The following SRPK2 variants were observed in gnomAD, a reference collection of about 807,000 sequenced individuals.
The protein encoded by SRPK2 is SFRS protein kinase 2.
SRPK2 carries 21 observed loss-of-function variants against 90.8 expected under a neutral mutation model. The observed-to-expected ratio is 0.23, with a 90% CI of 0.16 to 0.33. The LOEUF (loss-of-function observed/expected upper bound fraction) is 0.33. Among genes scored for constraint, SRPK2 ranks in the 10% least tolerant of loss-of-function variants. SRPK2 has a pLI of 1.00. For synonymous variants in SRPK2, 288 were observed against 311.1 expected (o/e 0.93, Z 0.78); for missense variants, 620 against 869.0 (o/e 0.71, Z 3.60).
intron 2 of SRPK2, among the ~76,000 whole-genome samples, chr7:105,337,345 T>C (rs1445650260): frequency 1.3e-5 from 2 of 149,912 alleles, no homozygotes; most frequent in Non-Finnish European, 3.0e-5. Flanking sequence ...GATGGAGTCT[T>C]GCTCTGTTGC....
chr7:105,348,605 T>C (rs1816759974), intron 2 of SRPK2, among the ~76,000 whole-genome samples: 1 of 151,180 alleles, frequency 6.6e-6, no homozygotes, highest in South Asian at 2.1e-4. Context: ...TGTATTTTAG[T>C]AGAGATGAGA....
chr7:105,278,828 G>A (rs1806877618), intron 2 of SRPK2, among the ~76,000 whole-genome samples: 2 of 150,178 alleles, frequency 1.3e-5, no homozygotes, highest in East Asian at 4.3e-4. Context: ...GAAGAAAAAA[G>A]TAATTTGTAA....
chr7:105,188,420 A>G (rs1793864920), intron 3 of SRPK2, among the ~76,000 whole-genome samples: 1 of 152,218 alleles, frequency 6.6e-6, no homozygotes, highest in African/African-American at 2.4e-5. Context: ...GGTGAGTTGC[A>G]AAATTATGTG....
At chr7:105,160,278 C>T (rs1185187183) in intron 7 of SRPK2, 2 of 308,618 alleles carry the variant, frequency 6.5e-6, no homozygotes, top group Non-Finnish European at 1.2e-5. Flanking sequence ...AGGCAAAAAA[C>T]GTATGCCTGA....
intron 9 of SRPK2, chr7:105,143,531 C>G: frequency 1.6e-6 from 1 of 635,550 alleles, no homozygotes; most frequent in South Asian, 2.0e-5. Flanking sequence ...ATATCACGTA[C>G]TAGGTCTACT....
At chr7:105,236,565 G>A (rs1430941702) in intron 2 of SRPK2, among the ~76,000 whole-genome samples, 2 of 152,020 alleles carry the variant, frequency 1.3e-5, no homozygotes, top group Middle Eastern at 3.2e-3. Context: ...GAGGAAATAG[G>A]TTTCAGGACA....
At chr7:105,180,798 G>C (rs1193558291) in intron 3 of SRPK2, among the ~76,000 whole-genome samples, 2 of 152,014 alleles carry the variant, frequency 1.3e-5, no homozygotes, top group Non-Finnish European at 2.9e-5. Context: ...AGATAATCTA[G>C]GAAATACCAT....
intron 2 of SRPK2, among the ~76,000 whole-genome samples, chr7:105,224,128 G>A (rs935640083): frequency 6.6e-6 from 1 of 152,002 alleles, no homozygotes; most frequent in Non-Finnish European, 1.5e-5. Context: ...ATTTTTAAAC[G>A]ACATCTGTAC....
chr7:105,388,894 C>T lies in SRPK2; in HGVS notation c.-88G>A. The T allele has an allele frequency of 8.1e-7, 1 of 1,239,562 alleles. No individual in the cohort carries two copies. The highest frequency in any genetic ancestry group is 3.3e-5 in the East Asian group (1 of 30,262). The allele number at this position is 1,239,562 out of a possible 1,614,324, so 76.8% of individuals were successfully genotyped here. A position where few individuals can be genotyped will look rare whatever the true frequency, so the allele number is the denominator to read the frequency against. The stretch of plus-strand genomic sequence containing the variant: ...GGGCTGCAGCCTCCACTCGCTCCGC[C>T]GGCCGGGAGGAGACGAGAACCGCGC... On this transcript the variant is annotated 5_prime_UTR_variant, in exon 1 of 16. Coordinates refer to ENST00000393651, the MANE Select transcript of SRPK2 (RefSeq NM_182692.3).
At chr7:105,165,530 T>C (rs1269276602) in intron 6 of SRPK2, among the ~76,000 whole-genome samples, 7 of 152,032 alleles carry the variant, frequency 4.6e-5, no homozygotes, top group Non-Finnish European at 8.8e-5. Context: ...AGCTAAAGGA[T>C]TGTAAATGCA....
rs879485980 is a variant in SRPK2, at chr7:105,263,322, C to CA, written c.72-59538dup. 4.5e-3 allele frequency among the ~76,000 whole-genome samples: 600 copies of CA among 134,384 alleles called. 4 individuals are homozygous for CA. The highest frequency in any genetic ancestry group is 0.022 in the East Asian group (103 of 4,712). The allele number at this position is 134,384 out of a possible 152,430, so 88.2% of individuals were successfully genotyped here. On this transcript the variant is annotated intron_variant, in intron 2 of 15. Coordinates refer to ENST00000393651, the MANE Select transcript of SRPK2 (RefSeq NM_182692.3). ...TGGGCAAAAGAGCAAAACTCCATTT[C>CA]AAAAAAAAAAAAGAAAAAGAAATGC...
intron 15 of SRPK2, among the ~76,000 whole-genome samples, chr7:105,120,856 G>C (rs138361665): frequency 6.6e-6 from 1 of 152,126 alleles, no homozygotes; most frequent in African/African-American, 2.4e-5. Context: ...ATTGCTAGGA[G>C]ACACAACAAG....
At chr7:105,160,754 G>T in intron 6 of SRPK2, 141 bp from the exon 7 acceptor site, 3 of 550,994 alleles carry the variant, frequency 5.4e-6, no homozygotes, top group African/African-American at 1.9e-5. Context: ...CCAAAAGTGA[G>T]AAAATGTTGT....
chr7:105,324,573 C>T (rs1190847933), intron 2 of SRPK2, among the ~76,000 whole-genome samples: 1 of 152,156 alleles, frequency 6.6e-6, no homozygotes, highest in Non-Finnish European at 1.5e-5. Flanking sequence ...AGGACTGTTG[C>T]TGTTTTAGTG....
chr7:105,142,514 ATTAGAACTTG>A (rs1803942104), intron 10 of SRPK2, 24 bp from the exon 11 acceptor site: 2 of 1,581,844 alleles, frequency 1.3e-6, no homozygotes, highest in Admixed American at 1.8e-5. Context: ...TGGGTCAAGA[ATTAGAACTTG>A]TTACTCTCCT....
At chr7:105,333,999 T>C (rs942533273) in intron 2 of SRPK2, among the ~76,000 whole-genome samples, 4 of 151,598 alleles carry the variant, frequency 2.6e-5, no homozygotes, top group East Asian at 1.9e-4. Flanking sequence ...CTCAGCTCAC[T>C]GCAACCTCCG....
intron 7 of SRPK2, among the ~76,000 whole-genome samples, chr7:105,156,913 C>G (rs548577569): frequency 6.6e-6 from 1 of 152,278 alleles, no homozygotes; most frequent in Admixed American, 6.5e-5. Context: ...ATGCCAAACC[C>G]AAGCTCTTAA....
intron 2 of SRPK2, among the ~76,000 whole-genome samples, chr7:105,364,404 CG>C (rs930040270): frequency 4.3e-5 from 5 of 116,356 alleles, no homozygotes; most frequent in African/African-American, 6.5e-5. Flanking sequence ...CCGTGTGTAA[CG>C]TTTTTTTTTT....
upstream of SRPK2, among the ~76,000 whole-genome samples, chr7:105,392,392 TG>T (rs1200001047): frequency 1.3e-5 from 2 of 152,238 alleles, no homozygotes; most frequent in Non-Finnish European, 2.9e-5. Context: ...GTTACTTGTG[TG>T]GGGTGATACT....
Sources: allele counts gnomAD v4.1 joint callset (sites outside exome capture counted in the v4.1 genomes callset), GRCh38; gene constraint gnomAD v4.1.1; transcripts MANE v1.5; gene names NCBI Gene and HGNC (gene_info 2026-07-23, HGNC 2026-07-21).